The following BMS1 variants were observed in gnomAD, a reference collection of about 807,000 sequenced individuals.
The protein encoded by BMS1 is BMS1 ribosome biogenesis factor.
Under a neutral mutation model 138.7 loss-of-function variants are expected in BMS1, and 53 were observed. That is an observed-to-expected ratio of 0.38 (90% CI 0.31 to 0.48). BMS1 has a LOEUF of 0.48. BMS1 is among the 20% of genes least tolerant of loss of function. The pLI is 0.97. For missense variants in BMS1, 1,360 were observed against 1,565.5 expected (o/e 0.87, Z 2.22); for synonymous variants, 504 against 539.9 (o/e 0.93, Z 0.92).
At chr10:42,813,771 A>G (rs975410065) in intron 13 of BMS1, among the ~76,000 whole-genome samples, 2 of 152,124 alleles carry the variant, frequency 1.3e-5, no homozygotes, top group African/African-American at 4.8e-5. Context: ...GACAGAACAT[A>G]TTTCTGTAGC....
intron 13 of BMS1, among the ~76,000 whole-genome samples, chr10:42,811,079 C>T (rs1331550302): frequency 6.6e-6 from 1 of 151,506 alleles, no homozygotes; most frequent in African/African-American, 2.4e-5. Flanking sequence ...TTTCACTCTT[C>T]TTGCCCAGGC....
At chr10:42,785,032 A>G (rs935660752) in intron 2 of BMS1, among the ~76,000 whole-genome samples, 23 of 152,170 alleles carry the variant, frequency 1.5e-4, no homozygotes, top group African/African-American at 4.8e-4. Flanking sequence ...CCCTCATTTT[A>G]TGGGTAAGAA....
chr10:42,808,203 A>T (rs1267820692), intron 13 of BMS1, among the ~76,000 whole-genome samples: 1 of 151,974 alleles, frequency 6.6e-6, no homozygotes, highest in Non-Finnish European at 1.5e-5. Flanking sequence ...TGATTTGCAG[A>T]TACTTTCTCC....
intron 21 of BMS1, among the ~76,000 whole-genome samples, chr10:42,823,995 CT>C: frequency 6.6e-6 from 1 of 152,172 alleles, no homozygotes. Context: ...TGAAGACAAA[CT>C]TTTCTTTTTT....
rs1164072771 is a variant in BMS1, at chr10:42,797,516, T to C, written c.2082T>C (p.Tyr694=). The C allele has an allele frequency of 6.2e-7, 1 of 1,613,960 alleles. No individual in the cohort carries two copies. Among genetic ancestry groups the C allele is most frequent in the African/African-American group, 1.3e-5 (1 of 74,940 alleles). ...CTCCAAACCTCCGAAAGCTTATTTA[T>C]GGGACAGGTAAAGAATTCTGGTTCA... ...QAAPNLRKLI[Y]GTVTEDNEEE... Residue 694 remains tyrosine (Y), a synonymous_variant, in exon 11 of 23, where the codon TAT becomes TAC. Transcript: ENST00000374518.
intron 11 of BMS1, among the ~76,000 whole-genome samples, chr10:42,797,977 G>T (rs1197520526): frequency 6.6e-6 from 1 of 152,042 alleles, no homozygotes; most frequent in Non-Finnish European, 1.5e-5. Context: ...TAAATATATA[G>T]TGGTGAACTT....
At position 42,789,937 on chromosome 10, in the gene BMS1, A is replaced by C. The variant is rs190393250; in HGVS notation, c.448-386A>C. Among the ~76,000 whole-genome samples, 55 of 152,286 alleles carry C rather than the reference A, an allele frequency of 3.6e-4. 2 individuals are homozygous for C. The East Asian group carries it at 0.01, about 29-fold the overall frequency. On this transcript the variant is annotated intron_variant, in intron 4 of 22. Coordinates refer to ENST00000374518, the MANE Select transcript of BMS1 (RefSeq NM_014753.4). ...TTCTGAGTTACTTCTCATACATTAAAATTCTTATAATGGAAGTTTATATCC... is the reference window on the plus strand; with the variant it reads ...TTCTGAGTTACTTCTCATACATTAACATTCTTATAATGGAAGTTTATATCC...
At chr10:42,811,804 G>A (rs531738440) in intron 13 of BMS1, among the ~76,000 whole-genome samples, 4 of 152,120 alleles carry the variant, frequency 2.6e-5, no homozygotes, top group East Asian at 1.9e-4. Context: ...GATTACAGGC[G>A]TGAGCCACCG....
intron 14 of BMS1, among the ~76,000 whole-genome samples, chr10:42,816,985 A>G (rs1842367764): frequency 6.6e-6 from 1 of 152,138 alleles, no homozygotes. Context: ...TTTAAGTGTC[A>G]TTTAAAAGAA....
Position 42,827,625 on chromosome 10 carries a change from A to T in BMS1, c.3457-2636A>T, listed in dbSNP as rs774887235. Reference sequence around the variant, plus strand: ...TGCTTCCTTATCCCCACAGGGAGACATCCCCTCTGCTTCAGGCTGATCCCT... The same window carrying T: ...TGCTTCCTTATCCCCACAGGGAGACTTCCCCTCTGCTTCAGGCTGATCCCT... On this transcript the variant is annotated intron_variant, in intron 21 of 22. Transcript: ENST00000374518. Among the ~76,000 whole-genome samples, 24 of 152,112 alleles carry T rather than the reference A, an allele frequency of 1.6e-4. 1 individual carries two copies. Among genetic ancestry groups the T allele is most frequent in the Non-Finnish European group, 3.1e-4 (21 of 68,008 alleles).
Position 42,797,427 on chromosome 10 carries a change from C to G in BMS1, c.1993C>G (p.Leu665Val), listed in dbSNP as rs1333351960. ...NNDSKETSGA[L>V]KWKEDLSRKA... The stretch of plus-strand genomic sequence containing the variant: ...GTTGGCATTGGTCGTTTCAGGTGCC[C>G]TCAAGTGGAAGGAAGACCTTTCCAG... Residue 665 changes from leucine to valine, a missense_variant, in exon 11 of 23, where the codon CTC (leucine) becomes GTC (valine). By Grantham distance (32) the Leu-to-Val change is conservative. Around this residue, in one of 3 missense-constraint regions of BMS1, gnomAD observed 697 missense variants for 686.2 expected, o/e 1.02. Transcript: ENST00000374518. 1 of 1,614,128 alleles carries G rather than the reference C, an allele frequency of 6.2e-7. No individual in the cohort carries two copies. Among genetic ancestry groups the G allele is most frequent in the South Asian group, 1.1e-5 (1 of 91,076 alleles).
Position 42,834,158 on chromosome 10 carries a change from A to C in BMS1, c.*3062A>C, listed in dbSNP as rs1234078693. 4 of 152,224 alleles carry C rather than the reference A, an allele frequency of 2.6e-5. No individual in the cohort carries two copies. Among genetic ancestry groups the C allele is most frequent in the African/African-American group, 9.6e-5 (4 of 41,454 alleles). 9.4% of individuals were successfully genotyped at this position (152,224 alleles called of 1,614,324 possible). Reference sequence around the variant, plus strand: ...AAAACATATTGAACCTACAGTGTACATATCATTCCATGCCATTAAATATTC... The same window carrying C: ...AAAACATATTGAACCTACAGTGTACCTATCATTCCATGCCATTAAATATTC... On this transcript the variant is annotated 3_prime_UTR_variant, in exon 23 of 23. Transcript: ENST00000374518.
In BMS1 at chr10:42,831,648, C is replaced by G. The variant is rs958311048; in HGVS notation, c.*552C>G. On this transcript the variant is annotated 3_prime_UTR_variant, in exon 23 of 23. Transcript: ENST00000374518. The stretch of plus-strand genomic sequence containing the variant: ...CAGGATCTATGGGCTCCTTTGATCA[C>G]TGGCCCTTGTGGACATTTTCTATCT... The G allele has an allele frequency of 6.5e-6, 1 of 154,812 alleles. No individual in the cohort carries two copies. Among genetic ancestry groups the G allele is most frequent in the African/African-American group, 2.4e-5 (1 of 41,448 alleles). The allele number at this position is 154,812 out of a possible 1,614,324, so 9.6% of individuals were successfully genotyped here.
chr10:42,814,355 C>G (rs1359203130), intron 13 of BMS1, among the ~76,000 whole-genome samples: 1 of 152,166 alleles, frequency 6.6e-6, no homozygotes, highest in Non-Finnish European at 1.5e-5. Context: ...ATTCTCTCCT[C>G]TGTCGTCTCC....
At chr10:42,785,038 A>G (rs1039742013) in intron 2 of BMS1, among the ~76,000 whole-genome samples, 1 of 152,240 alleles carries the variant, frequency 6.6e-6, no homozygotes, top group African/African-American at 2.4e-5. Context: ...TTTTATGGGT[A>G]AGAAAACTGA....
At chr10:42,806,457 C>A (rs1842012020) in intron 13 of BMS1, among the ~76,000 whole-genome samples, 1 of 152,216 alleles carries the variant, frequency 6.6e-6, no homozygotes, top group African/African-American at 2.4e-5. Flanking sequence ...ACCTTTCTGG[C>A]TGGGCACAGT....
chr10:42,820,085 C>G (rs1483424070), intron 15 of BMS1, 151 bp from the exon 16 acceptor site: 2 of 1,031,964 alleles, frequency 1.9e-6, no homozygotes, highest in African/African-American at 3.2e-5. Flanking sequence ...AGCCACTGTA[C>G]CTGGCCAAAT....
intron 13 of BMS1, among the ~76,000 whole-genome samples, chr10:42,808,239 C>CG (rs1842065653): frequency 6.6e-6 from 1 of 151,338 alleles, no homozygotes; most frequent in African/African-American, 2.4e-5. Flanking sequence ...ATTTTCTTAA[C>CG]GGGGCCTTTC....
chr10:42,831,278 G>A lies in BMS1; in HGVS notation c.*182G>A. On this transcript the variant is annotated 3_prime_UTR_variant, in exon 23 of 23. Transcript: ENST00000374518. ...CTGCTGGGACTGGGTTCATTCTCATGACTTGGGGCTGTCGAGATTTAAAGT... is the reference window on the plus strand; with the variant it reads ...CTGCTGGGACTGGGTTCATTCTCATAACTTGGGGCTGTCGAGATTTAAAGT... The A allele has an allele frequency of 1.6e-6, 1 of 632,614 alleles. No individual in the cohort carries two copies. Among genetic ancestry groups the A allele is most frequent in the East Asian group, 2.8e-5 (1 of 35,636 alleles). The allele number at this position is 632,614 out of a possible 1,614,324, so 39.2% of individuals were successfully genotyped here.
Sources: gnomAD v4.1 joint callset for allele counts (sites outside exome capture counted in the v4.1 genomes callset) on GRCh38, gnomAD v4.1.1 for gene constraint, gnomAD v4.1.1 regional missense constraint, MANE v1.5 for transcripts, NCBI Gene and HGNC (gene_info 2026-07-23, HGNC 2026-07-21) for gene names.